LINC00237: variants seen among roughly 807,000 people sequenced by gnomAD.
LINC00237 encodes long independently transcribed non-coding RNA 237, also known as long intergenic non-protein coding RNA 237.
intron 1 of LINC00237, among the ~76,000 whole-genome samples, chr20:21,102,828 C>A (rs912851923): frequency 6.6e-6 from 1 of 152,152 alleles, no homozygotes; most frequent in Non-Finnish European, 1.5e-5. Context: ...AGGCTTGATT[C>A]TTTTTGAAAT....
At chr20:21,091,471 G>T (rs1568884774) in intron 2 of LINC00237, among the ~76,000 whole-genome samples, 1 of 152,166 alleles carries the variant, frequency 6.6e-6, no homozygotes, top group Non-Finnish European at 1.5e-5. Context: ...CCTGAAAAGT[G>T]GAGCCACAGC....
chr20:21,102,521 G>A (rs1273930937), intron 1 of LINC00237, among the ~76,000 whole-genome samples: 1 of 152,128 alleles, frequency 6.6e-6, no homozygotes, highest in African/African-American at 2.4e-5. Flanking sequence ...GGGTGCAGCG[G>A]CGACCCTCTG....
chr20:21,100,794 C>G (rs530262448), intron 1 of LINC00237, among the ~76,000 whole-genome samples: 2 of 152,160 alleles, frequency 1.3e-5, no homozygotes, highest in Non-Finnish European at 2.9e-5. Context: ...TTTCTGCACC[C>G]AGTTGGTGGG....
At chr20:21,102,560 C>T (rs2030945854) in intron 1 of LINC00237, among the ~76,000 whole-genome samples, 2 of 152,180 alleles carry the variant, frequency 1.3e-5, no homozygotes, top group Admixed American at 6.5e-5. Flanking sequence ...TTTAACACGG[C>T]CTTCCTGAAG....
chr20:21,098,658 G>A (rs1244831617), intron 1 of LINC00237, among the ~76,000 whole-genome samples: 1 of 152,210 alleles, frequency 6.6e-6, no homozygotes, highest in African/African-American at 2.4e-5. Flanking sequence ...GTAGTTTTCA[G>A]TGGCTTCAAG....
intron 1 of LINC00237, among the ~76,000 whole-genome samples, chr20:21,103,877 GACTA>G (rs943819817): frequency 6.6e-6 from 1 of 152,178 alleles, no homozygotes; most frequent in African/African-American, 2.4e-5. Context: ...GGGGGTATAA[GACTA>G]ACTGTTTTTC....
intron 1 of LINC00237, among the ~76,000 whole-genome samples, chr20:21,094,051 C>A (rs1335663829): frequency 6.6e-6 from 1 of 152,188 alleles, no homozygotes; most frequent in Non-Finnish European, 1.5e-5. Flanking sequence ...AAGGGGAAGC[C>A]TTCCAGGTGA....
chr20:21,096,438 G>T (rs1403849236), intron 1 of LINC00237, among the ~76,000 whole-genome samples: 1 of 152,268 alleles, frequency 6.6e-6, no homozygotes, highest in South Asian at 2.1e-4. Flanking sequence ...TGCCACTGGC[G>T]AATGTTTAGT....
At chr20:21,086,728 A>G (rs2122164301) in intron 3 of LINC00237, among the ~76,000 whole-genome samples, 1 of 37,216 alleles carries the variant, frequency 2.7e-5, no homozygotes, top group African/African-American at 9.2e-5. Flanking sequence ...TACTATATAT[A>G]GTATACTATA....
At chr20:21,099,665 TTA>T (rs2030905266) in intron 1 of LINC00237, among the ~76,000 whole-genome samples, 1 of 152,126 alleles carries the variant, frequency 6.6e-6, no homozygotes, top group Non-Finnish European at 1.5e-5. Context: ...CCTTCTTTTT[TTA>T]TATATATAAG....
chr20:21,103,782 C>A (rs560331609), intron 1 of LINC00237, among the ~76,000 whole-genome samples: 1 of 152,272 alleles, frequency 6.6e-6, no homozygotes, highest in Admixed American at 6.5e-5. Context: ...CCTGGCACGT[C>A]GAGCGAACAA....
chr20:21,095,214 C>T lies in LINC00237; in HGVS notation n.89-1362G>A, dbSNP rs376140090. 5.4e-4 allele frequency among the ~76,000 whole-genome samples: 82 copies of T among 152,252 alleles called. No homozygotes were observed. The South Asian group carries it at 0.016, about 30-fold the overall frequency. On this transcript the variant is annotated intron_variant and non_coding_transcript_variant, in intron 1 of 3. Coordinates refer to ENST00000691244, the Ensembl canonical transcript of LINC00237. ...AAAGGACTAGCAGCTTCCACTGCCT[C>T]CCGCTTGGAGCCCAGCTGCCATGCA...
intron 2 of LINC00237, among the ~76,000 whole-genome samples, chr20:21,088,455 C>T (rs1173134854): frequency 6.6e-6 from 1 of 152,168 alleles, no homozygotes; most frequent in Middle Eastern, 3.2e-3. Flanking sequence ...CAGAAGTCAC[C>T]ATCTGTGGCC....
intron 1 of LINC00237, among the ~76,000 whole-genome samples, chr20:21,100,278 C>T (rs1341805917): frequency 7.2e-5 from 11 of 152,326 alleles, no homozygotes; most frequent in Admixed American, 5.2e-4. Flanking sequence ...GTTGGTTTGA[C>T]TGTACACCTG....
At chr20:21,092,760 C>T (rs543254891) in intron 2 of LINC00237, 1 of 152,280 alleles carries the variant, frequency 6.6e-6, no homozygotes, top group African/African-American at 2.4e-5. Flanking sequence ...TCTACAAGAA[C>T]AGTGGTGTGA....
intron 3 of LINC00237, among the ~76,000 whole-genome samples, chr20:21,086,487 CTATA>C (rs946591641): frequency 3.4e-5 from 5 of 146,476 alleles, no homozygotes; most frequent in Non-Finnish European, 6.0e-5. Flanking sequence ...AGATATGTAT[CTATA>C]TATATAGAGA....
intron 1 of LINC00237, among the ~76,000 whole-genome samples, chr20:21,097,561 G>A (rs865819556): frequency 2.6e-5 from 4 of 152,118 alleles, no homozygotes; most frequent in Non-Finnish European, 4.4e-5. Context: ...GATATAAGGT[G>A]TATATTTTTT....
intron 3 of LINC00237, among the ~76,000 whole-genome samples, chr20:21,086,741 A>C (rs1230665914): frequency 1.6e-5 from 2 of 124,978 alleles, no homozygotes; most frequent in Non-Finnish European, 3.3e-5. Context: ...ATACTATACT[A>C]TACATGTACT....
intron 1 of LINC00237, among the ~76,000 whole-genome samples, chr20:21,096,685 CA>C (rs1423573016): frequency 6.6e-6 from 1 of 152,178 alleles, no homozygotes; most frequent in Non-Finnish European, 1.5e-5. Flanking sequence ...CAGACTGCAA[CA>C]GGGCTCAAAT....
Sources: gnomAD v4.1 joint callset for allele counts (sites outside exome capture counted in the v4.1 genomes callset) on GRCh38, gnomAD v4.1.1 for gene constraint, MANE v1.5 for transcripts, NCBI Gene and HGNC (gene_info 2026-07-23, HGNC 2026-07-21) for gene names.